The following KIF3C variants were observed in gnomAD, a reference collection of about 807,000 sequenced individuals.
KIF3C encodes the protein kinesin family member 3C.
Under a neutral mutation model 67.7 loss-of-function variants are expected in KIF3C, and 12 were observed. The observed-to-expected ratio is 0.18, with a 90% CI of 0.11 to 0.29. KIF3C has a LOEUF of 0.29. KIF3C is among the 10% of genes least tolerant of loss of function. The pLI, the probability that KIF3C is intolerant of heterozygous loss-of-function variation, is 1.00. For missense variants in KIF3C, 789 were observed against 1,059.6 expected, an observed-to-expected ratio of 0.74 and a Z score of 3.55; for synonymous variants, 393 against 426.2, an observed-to-expected ratio of 0.92 and a Z score of 0.96.
intron 1 of KIF3C, among the ~76,000 whole-genome samples, chr2:25,962,852 TATAATATATAATATATATA>T (rs1663999461): frequency 1.3e-5 from 1 of 76,054 alleles, no homozygotes; most frequent in Non-Finnish European, 2.3e-5. Flanking sequence ...TAATATATAA[TATAATATATAATATATATA>T]ATATATAAAA....
intron 5 of KIF3C, among the ~76,000 whole-genome samples, chr2:25,944,344 T>A (rs1663371710): frequency 6.6e-6 from 1 of 150,446 alleles, no homozygotes; most frequent in Non-Finnish European, 1.5e-5. Flanking sequence ...AAATCATAAT[T>A]GCCTTTTTTT....
rs765902516 is a variant in KIF3C, at chr2:25,980,385, C to T, written c.1533G>A (p.Ala511=). 1.5e-5 allele frequency: 25 copies of T among 1,612,954 alleles called. No individual in the cohort carries two copies. Among genetic ancestry groups the T allele is most frequent in the Non-Finnish European group, 2.0e-5 (23 of 1,179,472 alleles). The change falls in exon 1 of 8, where the codon GCG becomes GCA. Residue 511 remains alanine (A), a synonymous_variant. Coordinates refer to ENST00000264712, the MANE Select transcript of KIF3C (RefSeq NM_002254.8). The surrounding 1 kb of genome is among the most constrained non-coding windows in gnomAD (Gnocchi z 7.6). The stretch of plus-strand genomic sequence containing the variant: ...CTGGGGCCCTTACCTTGTACTTGGC[C>T]GCAAGCAGCTCTGTGGCCTGCTGTT... ...RREQQATELL[A]AKYKAMESKL... is the part of the protein sequence containing the mutation.
chr2:25,929,191 CCCT>C, intron 7 of KIF3C, 111 bp downstream of exon 7: 3 of 1,405,496 alleles, frequency 2.1e-6, no homozygotes, highest in Non-Finnish European at 3.0e-6. Context: ...CCCCAGTCAC[CCCT>C]TGCCCTTCCT....
At chr2:25,945,621 C>CTCCT (rs1489702103) in intron 5 of KIF3C, among the ~76,000 whole-genome samples, 17 of 150,310 alleles carry the variant, frequency 1.1e-4, no homozygotes, top group African/African-American at 4.2e-4. Context: ...CATGCAGTGG[C>CTCCT]TCCTGCCTGT....
At chr2:25,944,686 A>G (rs1663382402) in intron 5 of KIF3C, among the ~76,000 whole-genome samples, 1 of 152,178 alleles carries the variant, frequency 6.6e-6, no homozygotes. Flanking sequence ...ATGTATTTGC[A>G]TATTTTCTTC....
chr2:25,949,373 A>G (rs1325489056), intron 5 of KIF3C, among the ~76,000 whole-genome samples: 1 of 152,106 alleles, frequency 6.6e-6, no homozygotes, highest in Non-Finnish European at 1.5e-5. Flanking sequence ...CAGGAGCTCG[A>G]GATCAGCCTG....
chr2:25,936,774 A>C (rs1663142785), intron 5 of KIF3C, among the ~76,000 whole-genome samples: 1 of 152,218 alleles, frequency 6.6e-6, no homozygotes, highest in South Asian at 2.1e-4. Flanking sequence ...GAGCTCATTG[A>C]GTGCTATTCA....
intron 1 of KIF3C, among the ~76,000 whole-genome samples, chr2:25,973,916 A>G (rs1374567174): frequency 6.6e-6 from 1 of 152,210 alleles, no homozygotes; most frequent in Non-Finnish European, 1.5e-5. Context: ...AAGCGCCTTG[A>G]ATGCCAAACT....
Position 25,958,559 on chromosome 2 carries a change from T to C in KIF3C, c.1546-2115A>G, listed in dbSNP as rs748533549. On this transcript the variant is annotated intron_variant, in intron 1 of 7. Coordinates refer to ENST00000264712, the MANE Select transcript of KIF3C (RefSeq NM_002254.8). This position sits in a 1 kb window ranked among gnomAD's most constrained non-coding sequence, Gnocchi z 4.5. ...TCACGCCACTGCACTCCAGCCTGGGTGCCAGAGTGAGACTTCATCACAAAA... is the reference window on the plus strand; with the variant it reads ...TCACGCCACTGCACTCCAGCCTGGGCGCCAGAGTGAGACTTCATCACAAAA... Among the ~76,000 whole-genome samples, 3 of 148,672 alleles carry C rather than the reference T, an allele frequency of 2.0e-5. No individual in the cohort carries two copies. Among genetic ancestry groups the C allele is most frequent in the Non-Finnish European group, 4.5e-5 (3 of 66,742 alleles).
Position 25,955,627 on chromosome 2 carries a change from G to A in KIF3C, c.1684C>T (p.Leu562Phe). 1 of 1,614,174 alleles carries A rather than the reference G, an allele frequency of 6.2e-7. No homozygotes were observed. Among genetic ancestry groups the A allele is most frequent in the Non-Finnish European group, 8.5e-7 (1 of 1,180,024 alleles). The change falls in exon 3 of 8, where the codon CTC becomes TTC. Residue 562 changes from leucine to phenylalanine, a missense_variant. Coordinates refer to ENST00000264712, the MANE Select transcript of KIF3C (RefSeq NM_002254.8). This position sits in a 1 kb window ranked among gnomAD's most constrained non-coding sequence, Gnocchi z 5.0. ...REREMQQEMM[L>F]RDEETMELRG... Reference sequence around the variant, plus strand: ...AGCTCCATAGTCTCCTCGTCCCGGAGCATCATCTCCTGCTGCATCTCCCGC... The same window carrying A: ...AGCTCCATAGTCTCCTCGTCCCGGAACATCATCTCCTGCTGCATCTCCCGC...
At chr2:25,942,002 A>T (rs1320044269) in intron 5 of KIF3C, among the ~76,000 whole-genome samples, 1 of 152,062 alleles carries the variant, frequency 6.6e-6, no homozygotes, top group Non-Finnish European at 1.5e-5. Flanking sequence ...ATGCCATTGC[A>T]CCCTAGCCTG....
intron 5 of KIF3C, among the ~76,000 whole-genome samples, chr2:25,948,660 AAGAG>A (rs1306693956): frequency 7.3e-6 from 1 of 136,226 alleles, no homozygotes; most frequent in South Asian, 2.4e-4. Context: ...GAGAAAGAGA[AAGAG>A]AGAAAGAGAG....
chr2:25,963,012 A>C (rs867832275), intron 1 of KIF3C, among the ~76,000 whole-genome samples: 1 of 42,394 alleles, frequency 2.4e-5, no homozygotes, highest in South Asian at 5.4e-4. Context: ...ATAATATATA[A>C]TATATATAAT....
At chr2:25,969,523 A>G (rs1664226575) in intron 1 of KIF3C, among the ~76,000 whole-genome samples, 1 of 152,198 alleles carries the variant, frequency 6.6e-6, no homozygotes, top group African/African-American at 2.4e-5. Flanking sequence ...AAAGTATTAC[A>G]TGCTTATTGT....
At chr2:25,938,062 A>G (rs1265089639) in intron 5 of KIF3C, among the ~76,000 whole-genome samples, 1 of 151,276 alleles carries the variant, frequency 6.6e-6, no homozygotes, top group Non-Finnish European at 1.5e-5. Context: ...TCAAAAAAAA[A>G]AAATTATTAT....
intron 5 of KIF3C, among the ~76,000 whole-genome samples, chr2:25,935,615 G>A (rs1663075305): frequency 2.6e-5 from 4 of 152,026 alleles, no homozygotes. Context: ...TTCCACCTCA[G>A]CCTCCCAAAG....
At position 25,951,816 on chromosome 2, in the gene KIF3C, T is replaced by G; in HGVS notation, c.1979A>C (p.Lys660Thr). 1 of 1,613,622 alleles carries G rather than the reference T, an allele frequency of 6.2e-7. No homozygotes were observed. The highest frequency in any genetic ancestry group is 8.5e-7 in the Non-Finnish European group (1 of 1,179,658). Residue 660 changes from lysine (K) to threonine (T), a missense_variant, in exon 5 of 8, where the codon AAG (lysine) becomes ACG (threonine). Around this residue, in one of 2 missense-constraint regions of KIF3C, gnomAD observed 648 missense variants for 807.8 expected, o/e 0.80. Transcript: ENST00000264712. ...GCCGGCTGGCACCAGTGGCTGGAAC[T>G]TCCACTGCTCCTCCTCACAGTCCAG... ...LFLDCEEEQW[K>T]FQPLVPAGVS...
intron 5 of KIF3C, among the ~76,000 whole-genome samples, chr2:25,939,025 ACT>A (rs1248938824): frequency 6.8e-6 from 1 of 147,716 alleles, no homozygotes; most frequent in African/African-American, 2.5e-5. Context: ...TCCCTTCCTC[ACT>A]CTGTCACCCA....
At chr2:25,935,503 T>C (rs546735050) in intron 5 of KIF3C, among the ~76,000 whole-genome samples, 39 of 151,912 alleles carry the variant, frequency 2.6e-4, no homozygotes, top group African/African-American at 9.2e-4. Context: ...AGTAGATAGG[T>C]CTACAGGCAG....
Sources: gnomAD v4.1 joint callset for allele counts (sites outside exome capture counted in the v4.1 genomes callset) on GRCh38, gnomAD v4.1.1 for gene constraint, gnomAD v4.1.1 regional missense constraint, Gnocchi (gnomAD v3.1) non-coding constraint, MANE v1.5 for transcripts, NCBI Gene and HGNC (gene_info 2026-07-23, HGNC 2026-07-21) for gene names.